NBAS: variants seen among roughly 807,000 people sequenced by gnomAD.
The protein encoded by NBAS is NAG/BC035112 fusion.
NBAS carries 219 observed loss-of-function variants against 302.5 expected under a neutral mutation model. That is an observed-to-expected ratio of 0.72 (90% confidence interval 0.65 to 0.81). The LOEUF (loss-of-function observed/expected upper bound fraction) is 0.81. NBAS is among the 30% of genes least tolerant of loss of function. NBAS has a pLI of 0.00. For synonymous variants in NBAS, 1,118 were observed against 1,021.6 expected (o/e 1.09, Z -1.80); for missense variants, 2,932 against 2,841.6 (o/e 1.03, Z -0.72).
the NBAS span, among the ~76,000 whole-genome samples, chr2:15,020,451 A>T: frequency 6.5e-4 from 99 of 152,322 alleles, no homozygotes; most frequent in Non-Finnish European, 1.2e-3. Flanking sequence ...TTGCTTCAGG[A>T]TGGATGTGTG....
chr2:15,200,413 TA>T (rs564870535), intron 48 of NBAS, among the ~76,000 whole-genome samples: 189 of 152,034 alleles, frequency 1.2e-3, no homozygotes, highest in African/African-American at 4.2e-3. Context: ...CAAAATAAAC[TA>T]TTTTTTTTTA....
the NBAS span, among the ~76,000 whole-genome samples, chr2:14,788,887 G>A: frequency 2.0e-5 from 3 of 152,236 alleles, no homozygotes; most frequent in African/African-American, 7.2e-5. Flanking sequence ...ATTTAAGTCT[G>A]CAGAGGTTAC....
chr2:15,076,109 C>A, the NBAS span, among the ~76,000 whole-genome samples: 9 of 152,208 alleles, frequency 5.9e-5, no homozygotes, highest in Admixed American at 5.2e-4. Flanking sequence ...GCTCTAATAA[C>A]TACCTCTATT....
chr2:15,360,840 C>A (rs974256920), intron 32 of NBAS, among the ~76,000 whole-genome samples: 1 of 152,114 alleles, frequency 6.6e-6, no homozygotes. Context: ...GATATCAATG[C>A]CTTCTGGAAT....
intron 21 of NBAS, among the ~76,000 whole-genome samples, chr2:15,460,092 G>A (rs979312041): frequency 2.0e-5 from 3 of 152,134 alleles, no homozygotes; most frequent in Non-Finnish European, 2.9e-5. Flanking sequence ...TTGAGTGGAG[G>A]CAGCAAGGGA....
chr2:15,551,280 A>G (rs909061335), intron 6 of NBAS, among the ~76,000 whole-genome samples: 33 of 152,006 alleles, frequency 2.2e-4, no homozygotes, highest in Non-Finnish European at 1.3e-4. Flanking sequence ...AGACTTTTTT[A>G]GAACCCAGTT....
At chr2:15,530,879 C>T (rs750319966) in intron 9 of NBAS, among the ~76,000 whole-genome samples, 7 of 150,150 alleles carry the variant, frequency 4.7e-5, no homozygotes, top group Non-Finnish European at 7.4e-5. Context: ...AATTTCAGAA[C>T]GCCAGGGGAA....
At chr2:15,461,452 T>G in intron 20 of NBAS, 115 bp from the exon 21 acceptor site, 1 of 1,068,632 alleles carries the variant, frequency 9.4e-7, no homozygotes, top group Non-Finnish European at 1.4e-6. Context: ...TGAAACACCT[T>G]GAAATGACCC....
At chr2:15,151,208 C>A in the NBAS span, among the ~76,000 whole-genome samples, 1 of 152,194 alleles carries the variant, frequency 6.6e-6, no homozygotes, top group Admixed American at 6.5e-5. Flanking sequence ...TAAGTGTGGG[C>A]AACCCCATGT....
intron 44 of NBAS, among the ~76,000 whole-genome samples, chr2:15,239,211 T>G (rs980542532): frequency 6.6e-6 from 1 of 152,068 alleles, no homozygotes; most frequent in Admixed American, 6.6e-5. Context: ...TGGAATATGT[T>G]TGTCATAGAA....
At chr2:15,496,089 TATACAG>T (rs961918584) in intron 11 of NBAS, among the ~76,000 whole-genome samples, 21 of 124,526 alleles carry the variant, frequency 1.7e-4, no homozygotes, top group Non-Finnish European at 3.3e-4. Context: ...CACACATACA[TATACAG>T]ATACACACAC....
At chr2:15,354,461 C>T (rs942040670) in intron 33 of NBAS, among the ~76,000 whole-genome samples, 1 of 152,148 alleles carries the variant, frequency 6.6e-6, no homozygotes, top group African/African-American at 2.4e-5. Flanking sequence ...ATTAATTCAG[C>T]TATTACCCTT....
intron 40 of NBAS, among the ~76,000 whole-genome samples, chr2:15,298,069 G>A (rs1031346570): frequency 3.9e-5 from 6 of 152,080 alleles, no homozygotes; most frequent in Admixed American, 1.3e-4. Context: ...GGCTGGGCAC[G>A]GATGCTTGTG....
the NBAS span, among the ~76,000 whole-genome samples, chr2:14,852,901 CA>C: frequency 1.5e-5 from 2 of 133,288 alleles, no homozygotes; most frequent in African/African-American, 5.9e-5. Context: ...CCCTTCCTTA[CA>C]CCTTATACAA....
At chr2:14,902,037 C>T in the NBAS span, among the ~76,000 whole-genome samples, 1 of 152,194 alleles carries the variant, frequency 6.6e-6, no homozygotes, top group Admixed American at 6.5e-5. Context: ...CTTGTGACTA[C>T]CTCCCAAGCT....
At chr2:14,825,917 C>T in the NBAS span, among the ~76,000 whole-genome samples, 18 of 152,086 alleles carry the variant, frequency 1.2e-4, no homozygotes, top group African/African-American at 4.1e-4. Context: ...TGCACGAAAT[C>T]GATGAGATAC....
chr2:14,953,728 G>T, the NBAS span, among the ~76,000 whole-genome samples: 21 of 152,366 alleles, frequency 1.4e-4, no homozygotes, highest in African/African-American at 4.8e-4. Context: ...GAAAAAAGAA[G>T]AGTAGCACTG....
At chr2:15,551,371 A>T (rs1573005200) in intron 6 of NBAS, 122 bp downstream of exon 6, 1 of 606,246 alleles carries the variant, frequency 1.6e-6, no homozygotes, top group Middle Eastern at 4.9e-4. Flanking sequence ...TTTAAAAATT[A>T]TTTTAATAGT....
chr2:14,929,271 C>T, the NBAS span, among the ~76,000 whole-genome samples: 1 of 152,186 alleles, frequency 6.6e-6, no homozygotes, highest in Non-Finnish European at 1.5e-5. Context: ...CATCTATTAA[C>T]ATATGTAAGA....
Sources: gnomAD v4.1 joint callset for allele counts (sites outside exome capture counted in the v4.1 genomes callset) on GRCh38, gnomAD v4.1.1 for gene constraint, MANE v1.5 for transcripts, NCBI Gene and HGNC (gene_info 2026-07-23, HGNC 2026-07-21) for gene names.